The following COL28A1 variants were observed in gnomAD, a reference collection of about 807,000 sequenced individuals.
The protein encoded by COL28A1 is collagen alpha-1(XXVIII) chain.
In COL28A1, 161 loss-of-function variants were observed where a neutral mutation model predicts 150.2. The ratio of observed to expected loss-of-function variants is 1.07; its 90% CI spans 0.94 to 1.22. COL28A1 has a LOEUF of 1.22. COL28A1 is among the 50% of genes most tolerant of loss of function. The pLI is 0.00. For synonymous variants in COL28A1, 552 were observed against 469.7 expected (o/e 1.18, Z -2.26); for missense variants, 1,617 against 1,388.3 (o/e 1.16, Z -2.62).
the COL28A1 span, among the ~76,000 whole-genome samples, chr7:7,543,823 A>C: frequency 5.3e-5 from 8 of 150,070 alleles, no homozygotes; most frequent in Admixed American, 4.8e-4. Flanking sequence ...CTGGCTCAAA[A>C]AATTTCTGGA....
intron 12 of COL28A1, among the ~76,000 whole-genome samples, 158 bp from the exon 13 acceptor site, chr7:7,489,615 G>C (rs896349515): frequency 6.6e-6 from 1 of 152,194 alleles, no homozygotes; most frequent in Non-Finnish European, 1.5e-5. Flanking sequence ...GAAATAGCTC[G>C]AATTTAAGTG....
In COL28A1 at chr7:7,451,878, T is replaced by G. The variant is rs529016422; in HGVS notation, c.1509+441A>C. The stretch of plus-strand genomic sequence containing the variant: ...TACATCTTATATATTCTTCTAATAC[T>G]CAAATGCTCGTAAGAATATGACAAC... On this transcript the variant is annotated intron_variant, in intron 18 of 34. Coordinates refer to ENST00000399429, the MANE Select transcript of COL28A1 (RefSeq NM_001037763.3). 3.9e-5 allele frequency among the ~76,000 whole-genome samples: 6 copies of G among 152,272 alleles called. No homozygotes were observed. The East Asian group carries it at 9.6e-4, about 24-fold the overall frequency.
At chr7:7,533,227 ATGATTACTG>A (rs1782468506) in intron 1 of COL28A1, among the ~76,000 whole-genome samples, 1 of 152,166 alleles carries the variant, frequency 6.6e-6, no homozygotes, top group Non-Finnish European at 1.5e-5. Context: ...CCCGCTCTAT[ATGATTACTG>A]TGGTTCAATC....
intron 27 of COL28A1, among the ~76,000 whole-genome samples, chr7:7,407,120 C>T (rs1352411826): frequency 2.0e-5 from 3 of 151,428 alleles, no homozygotes; most frequent in South Asian, 2.1e-4. Flanking sequence ...AGAAAAATAA[C>T]GGCCATAATG....
intron 21 of COL28A1, among the ~76,000 whole-genome samples, chr7:7,440,023 G>A (rs1399742421): frequency 6.6e-6 from 1 of 152,126 alleles, no homozygotes; most frequent in Admixed American, 6.5e-5. Context: ...TATCTTTCTA[G>A]AGACATGAAC....
At chr7:7,431,757 G>A (rs912051872) in intron 25 of COL28A1, 1 of 354,750 alleles carries the variant, frequency 2.8e-6, no homozygotes, top group African/African-American at 2.1e-5. Context: ...AGGTGGAACA[G>A]AGGGAAGACC....
At position 7,360,370 on chromosome 7, in the gene COL28A1, T is replaced by C. The variant is rs947258781; in HGVS notation, c.3205+20A>G. On this transcript the variant is annotated intron_variant, in intron 34 of 34. Transcript: ENST00000399429. ...AAGACTGTAGAATCAAAATGGGACT[T>C]GGAGTTCTGGTTTACCTACCCTCTG... is the stretch of plus-strand genomic sequence containing the variant. 3.2e-5 allele frequency: 49 copies of C among 1,529,446 alleles called. No individual in the cohort carries two copies. The highest frequency in any genetic ancestry group is 4.1e-5 in the Non-Finnish European group (47 of 1,145,928). 94.7% of individuals were successfully genotyped at this position (1,529,446 alleles called of 1,614,324 possible). A position where few individuals can be genotyped will look rare whatever the true frequency, so the allele number is the denominator to read the frequency against.
chr7:7,394,395 T>C (rs1231721163), intron 27 of COL28A1, among the ~76,000 whole-genome samples: 1 of 152,228 alleles, frequency 6.6e-6, no homozygotes, highest in African/African-American at 2.4e-5. Context: ...CTTGCCAGCC[T>C]GCAATCCTAT....
the COL28A1 span, among the ~76,000 whole-genome samples, chr7:7,341,765 C>T: frequency 6.6e-6 from 1 of 151,986 alleles, no homozygotes; most frequent in Admixed American, 6.6e-5. Context: ...TTTTAGTGAA[C>T]TTTTTGTTGA....
intron 6 of COL28A1, among the ~76,000 whole-genome samples, chr7:7,518,785 C>T (rs1023071988): frequency 1.3e-5 from 2 of 152,094 alleles, no homozygotes; most frequent in African/African-American, 4.8e-5. Flanking sequence ...AAACCACTTC[C>T]AGAAAAAAAT....
At chr7:7,363,416 T>A (rs1376788328) in intron 33 of COL28A1, among the ~76,000 whole-genome samples, 2 of 152,224 alleles carry the variant, frequency 1.3e-5, no homozygotes, top group East Asian at 1.9e-4. Flanking sequence ...AAATTAACTT[T>A]AATAAATGAA....
intron 19 of COL28A1, 86 bp from the exon 20 acceptor site, chr7:7,443,739 G>C: frequency 1.3e-6 from 2 of 1,559,548 alleles, no homozygotes; most frequent in African/African-American, 1.4e-5. Flanking sequence ...TTTATCATTA[G>C]TGGATTCAGC....
chr7:7,498,358 C>A (rs1004546048), intron 11 of COL28A1, among the ~76,000 whole-genome samples: 3 of 152,134 alleles, frequency 2.0e-5, no homozygotes, highest in Non-Finnish European at 4.4e-5. Context: ...TCAGGGTGGA[C>A]ATGCTCCATT....
chr7:7,340,027 A>G, the COL28A1 span, among the ~76,000 whole-genome samples: 1 of 151,906 alleles, frequency 6.6e-6, no homozygotes, highest in African/African-American at 2.4e-5. Context: ...GTCTCACTCT[A>G]TTTCCCAGGC....
chr7:7,393,949 G>A lies in COL28A1; in HGVS notation c.2137-12337C>T, dbSNP rs141271768. On this transcript the variant is annotated intron_variant, in intron 27 of 34. Coordinates refer to ENST00000399429, the MANE Select transcript of COL28A1 (RefSeq NM_001037763.3). ...CCAGGGGAGTGAACAGTTCTGTCTC[G>A]CTGGCGTTCCATGTGCCACTGGGGT... Among the ~76,000 whole-genome samples the A allele has an allele frequency of 1.0e-3, 151 of 149,134 alleles. 1 individual carries two copies. In the East Asian group the frequency reaches 0.021, roughly 21 times the overall value.
intron 27 of COL28A1, among the ~76,000 whole-genome samples, chr7:7,408,528 A>G (rs1162578909): frequency 6.6e-6 from 1 of 152,202 alleles, no homozygotes; most frequent in Non-Finnish European, 1.5e-5. Context: ...AGAGGATTGC[A>G]GTACAAAAAT....
Position 7,373,994 on chromosome 7 carries a change from C to T in COL28A1, c.2360-448G>A, listed in dbSNP as rs60193901. ...GATTACAGGCGTGAGCCACCGCGCC[C>T]GGCCCCTTCTGGTTTCTATACTTGA... On this transcript the variant is annotated intron_variant, in intron 31 of 34. Transcript: ENST00000399429. This position sits in a 1 kb window ranked among gnomAD's most constrained non-coding sequence, Gnocchi z 4.1. Among the ~76,000 whole-genome samples, 3,875 of 143,240 alleles carry T rather than the reference C, an allele frequency of 0.027. 118 individuals are homozygous for T. Among genetic ancestry groups the T allele is most frequent in the African/African-American group, 0.077 (2,900 of 37,596 alleles). The allele number at this position is 143,240 out of a possible 152,430, so 94.0% of individuals were successfully genotyped here.
intron 15 of COL28A1, among the ~76,000 whole-genome samples, chr7:7,471,483 T>TA (rs1347929848): frequency 2.0e-5 from 3 of 152,210 alleles, no homozygotes; most frequent in Admixed American, 1.3e-4. Context: ...AAATACTAGC[T>TA]AACTGAATCC....
At chr7:7,541,293 G>C in the COL28A1 span, among the ~76,000 whole-genome samples, 1 of 152,046 alleles carries the variant, frequency 6.6e-6, no homozygotes, top group East Asian at 1.9e-4. Flanking sequence ...AAAATTTATA[G>C]AAAAGGGGAC....
Sources: gnomAD v4.1 joint callset for allele counts (sites outside exome capture counted in the v4.1 genomes callset) on GRCh38, gnomAD v4.1.1 for gene constraint, Gnocchi (gnomAD v3.1) non-coding constraint, MANE v1.5 for transcripts, NCBI Gene and HGNC (gene_info 2026-07-23, HGNC 2026-07-21) for gene names.